ROBO2: variants seen among roughly 807,000 people sequenced by gnomAD.
ROBO2 encodes roundabout guidance receptor 2, also known as roundabout homolog 2.
ROBO2 carries 53 observed loss-of-function variants against 160.8 expected under a neutral mutation model. The ratio of observed to expected loss-of-function variants is 0.33; its 90% confidence interval spans 0.26 to 0.41. The LOEUF is 0.41. Among genes scored for constraint, ROBO2 ranks in the 10% least tolerant of loss-of-function variants. The probability of loss-of-function intolerance (pLI) is 1.00; values close to 1 mark genes in which losing one functional copy is unlikely to be tolerated. For missense variants in ROBO2, 1,577 were observed against 1,722.4 expected (o/e 0.92, Z 1.49); for synonymous variants, 664 against 611.7 (o/e 1.09, Z -1.26).
intron 2 of ROBO2, among the ~76,000 whole-genome samples, chr3:77,307,653 C>G (rs1188378011): frequency 1.3e-5 from 2 of 152,160 alleles, no homozygotes; most frequent in African/African-American, 4.8e-5. Context: ...GAGGCTGAGG[C>G]TGGTGGATCA....
intron 2 of ROBO2, among the ~76,000 whole-genome samples, chr3:76,025,994 A>G (rs954914710): frequency 2.0e-5 from 3 of 151,790 alleles, no homozygotes; most frequent in African/African-American, 7.2e-5. Context: ...TCTAAAACCA[A>G]TCTCACTGTA....
rs79960500 is a variant in ROBO2 at position 76,039,729 on chromosome 3, A to T, written c.109+102127A>T. 4.6e-5 allele frequency among the ~76,000 whole-genome samples: 7 copies of T among 152,138 alleles called. No individual in the cohort carries two copies. In the East Asian group the frequency reaches 1.4e-3, roughly 29 times the overall value. The stretch of plus-strand genomic sequence containing the variant: ...TAAGCATAGATATTTGTCAGTCTAA[A>T]CTTACCTTGTTGAGCCTCTATAATT... On this transcript the variant is annotated intron_variant, in intron 2 of 26. Transcript: ENST00000487694.
chr3:76,643,155 C>T (rs1026826688), intron 2 of ROBO2, among the ~76,000 whole-genome samples: 3 of 152,084 alleles, frequency 2.0e-5, no homozygotes, highest in Non-Finnish European at 4.4e-5. Context: ...AAACTTAAAG[C>T]CTTCCCTCAT....
At chr3:77,234,387 C>G (rs2087649849) in intron 2 of ROBO2, among the ~76,000 whole-genome samples, 3 of 152,100 alleles carry the variant, frequency 2.0e-5, no homozygotes, top group Admixed American at 2.0e-4. Context: ...ACTAATCATG[C>G]CTGGATGTCT....
intron 2 of ROBO2, among the ~76,000 whole-genome samples, chr3:77,430,982 CA>C (rs1217067323): frequency 2.6e-5 from 4 of 152,292 alleles, no homozygotes; most frequent in South Asian, 4.1e-4. Flanking sequence ...ATTCTTTTCC[CA>C]GTAAGTTTAT....
At chr3:76,416,700 A>G (rs1412913279) in intron 2 of ROBO2, among the ~76,000 whole-genome samples, 2 of 152,136 alleles carry the variant, frequency 1.3e-5, no homozygotes. Flanking sequence ...AAGGTCACAG[A>G]GCTTTAGACG....
intron 2 of ROBO2, among the ~76,000 whole-genome samples, chr3:77,448,279 G>A (rs936319320): frequency 6.6e-6 from 1 of 152,098 alleles, no homozygotes; most frequent in African/African-American, 2.4e-5. Context: ...AAATTACTAT[G>A]AGGGGAGAGT....
intron 2 of ROBO2, among the ~76,000 whole-genome samples, chr3:76,014,954 T>C (rs983485785): frequency 2.0e-5 from 3 of 152,034 alleles, no homozygotes; most frequent in Non-Finnish European, 4.4e-5. Context: ...AAGACATACA[T>C]ACATACATAA....
At chr3:76,297,579 C>A (rs745550686) in intron 2 of ROBO2, among the ~76,000 whole-genome samples, 7 of 151,600 alleles carry the variant, frequency 4.6e-5, no homozygotes, top group Non-Finnish European at 5.9e-5. Context: ...CTTTAAAAAT[C>A]TCTTTTTAAA....
chr3:77,439,695 G>A (rs1581955454), intron 2 of ROBO2, among the ~76,000 whole-genome samples: 1 of 152,118 alleles, frequency 6.6e-6, no homozygotes, highest in African/African-American at 2.4e-5. Flanking sequence ...AGGCAAGAAT[G>A]TCAATCAACT....
At chr3:76,704,663 C>T (rs906231333) in intron 2 of ROBO2, among the ~76,000 whole-genome samples, 35 of 152,062 alleles carry the variant, frequency 2.3e-4, no homozygotes, top group Non-Finnish European at 4.1e-4. Flanking sequence ...GCAGATTGGG[C>T]TCTGCACACT....
At chr3:76,018,472 C>T (rs1458280536) in intron 2 of ROBO2, among the ~76,000 whole-genome samples, 4 of 151,506 alleles carry the variant, frequency 2.6e-5, no homozygotes, top group East Asian at 1.9e-4. Context: ...TTTTTATAAT[C>T]GCATTTCTTC....
At position 76,842,962 on chromosome 3, in the gene ROBO2, C is replaced by T. The variant is rs568760454; in HGVS notation, c.110-255052C>T. Among the ~76,000 whole-genome samples, 6 of 152,096 alleles carry T rather than the reference C, an allele frequency of 3.9e-5. No individual in the cohort carries two copies. The East Asian group carries it at 9.7e-4, about 25-fold the overall frequency. On this transcript the variant is annotated intron_variant, in intron 2 of 26. Coordinates refer to the ROBO2 transcript ENST00000487694. ...GTAGTTATTTTATTACAAGCCTTCTCATTTTCAAATCTGATACTCATGCCA... is the reference window on the plus strand; with the variant it reads ...GTAGTTATTTTATTACAAGCCTTCTTATTTTCAAATCTGATACTCATGCCA...
At chr3:76,235,552 C>A (rs1704889778) in intron 2 of ROBO2, among the ~76,000 whole-genome samples, 1 of 151,916 alleles carries the variant, frequency 6.6e-6, no homozygotes, top group African/African-American at 2.4e-5. Context: ...TCTTGGTAGT[C>A]CAGAGTAGTT....
intron 6 of ROBO2, among the ~76,000 whole-genome samples, chr3:77,533,570 A>G (rs6782317): frequency 6.6e-6 from 1 of 152,088 alleles, no homozygotes; most frequent in Non-Finnish European, 1.5e-5. Context: ...GCTGTTGGAC[A>G]GGGTGACTCA....
At chr3:75,995,992 G>A (rs1351978249) in intron 2 of ROBO2, among the ~76,000 whole-genome samples, 3 of 152,176 alleles carry the variant, frequency 2.0e-5, no homozygotes, top group Non-Finnish European at 4.4e-5. Context: ...TATCATGGGA[G>A]CAACTAACTT....
chr3:75,969,740 G>A (rs2064936875), intron 2 of ROBO2, among the ~76,000 whole-genome samples: 2 of 151,312 alleles, frequency 1.3e-5, no homozygotes, highest in Admixed American at 6.6e-5. Flanking sequence ...TTTATCAGTC[G>A]GATTGTTTTT....
intron 2 of ROBO2, among the ~76,000 whole-genome samples, chr3:76,945,436 AG>A (rs55747875): frequency 0.14 from 21,412 of 152,130 alleles, 1,775 homozygotes; most frequent in Non-Finnish European, 0.19. Context: ...AAATGCTTGG[AG>A]TGATTGACTT....
chr3:77,598,635 G>A lies in ROBO2; in HGVS notation c.2854+1885G>A, dbSNP rs9831320. Among the ~76,000 whole-genome samples, 1,067 of 151,328 alleles carry A rather than the reference G, an allele frequency of 7.1e-3. 6 individuals carry two copies. Among genetic ancestry groups the A allele is most frequent in the Non-Finnish European group, 0.01 (682 of 67,862 alleles). On this transcript the variant is annotated intron_variant, in intron 19 of 25. Transcript: ENST00000461745. ...ATATGACTCCTCAGCTTCCTCTTCC[G>A]CTTCTGCAAGCCAACACACCCCACT...
Sources: allele counts gnomAD v4.1 joint callset (sites outside exome capture counted in the v4.1 genomes callset), GRCh38; gene constraint gnomAD v4.1.1; transcripts MANE v1.5; gene names NCBI Gene and HGNC (gene_info 2026-07-23, HGNC 2026-07-21).